CATSPERB: variants seen among roughly 807,000 people sequenced by gnomAD.
CATSPERB encodes the protein catsper channel auxiliary subunit beta, also known as cation channel sperm-associated auxiliary subunit beta.
In CATSPERB, 93 loss-of-function variants were observed where a neutral mutation model predicts 128.3. The ratio of observed to expected loss-of-function variants is 0.72; its 90% confidence interval spans 0.61 to 0.86. The LOEUF (loss-of-function observed/expected upper bound fraction) is 0.86, where lower values mean the gene tolerates loss of function less well. Among genes scored for constraint, CATSPERB ranks in the 40% least tolerant of loss-of-function variants. CATSPERB has a pLI of 0.00. For synonymous variants in CATSPERB, 381 were observed against 448.8 expected (o/e 0.85, Z 1.91); for missense variants, 1,153 against 1,329.5 (o/e 0.87, Z 2.06).
intron 20 of CATSPERB, among the ~76,000 whole-genome samples, chr14:91,613,079 G>T (rs1459333372): frequency 1.3e-5 from 2 of 152,008 alleles, no homozygotes; most frequent in Non-Finnish European, 2.9e-5. Context: ...ATATTAAAAA[G>T]TATTTTAAAA....
intron 22 of CATSPERB, among the ~76,000 whole-genome samples, chr14:91,599,442 C>T (rs2139767031): frequency 6.6e-6 from 1 of 151,162 alleles, no homozygotes; most frequent in Middle Eastern, 3.4e-3. Flanking sequence ...GCCTGTAGTC[C>T]CAGCTACTTG....
intron 22 of CATSPERB, among the ~76,000 whole-genome samples, chr14:91,604,208 GA>G (rs1212666020): frequency 6.6e-6 from 1 of 151,772 alleles, no homozygotes; most frequent in Non-Finnish European, 1.5e-5. Flanking sequence ...GATCCAACAG[GA>G]AAAAAGAAAG....
intron 22 of CATSPERB, 53 bp from the exon 23 acceptor site, chr14:91,592,055 T>G: frequency 9.5e-7 from 1 of 1,052,362 alleles, no homozygotes; most frequent in Admixed American, 1.7e-5. Flanking sequence ...GCGGGATTTC[T>G]GCAAACTGAT....
intron 26 of CATSPERB, among the ~76,000 whole-genome samples, chr14:91,582,301 T>A (rs1042484878): frequency 3.3e-5 from 5 of 152,238 alleles, no homozygotes; most frequent in Admixed American, 2.6e-4. Flanking sequence ...AAGCTTTCAC[T>A]CTGACATTCA....
chr14:91,621,771 G>T lies in CATSPERB; in HGVS notation c.2097C>A (p.Phe699Leu), dbSNP rs200447056. The T allele has an allele frequency of 5.8e-5, 93 of 1,613,974 alleles. No homozygotes were observed. The highest frequency in any genetic ancestry group is 1.4e-5 in the Non-Finnish European group (16 of 1,180,008). Residue 699 changes from phenylalanine to leucine, a missense_variant, in exon 19 of 27, where the codon TTC becomes TTA. Transcript: ENST00000256343. ...NNMTFLKSTW[F>L]LYNFGQRNGR... The stretch of plus-strand genomic sequence containing the variant: ...CATTCCTTTGCCCAAAGTTGTATAA[G>T]AACCATGTGCTCTTTAGAAAGGTCA...
intron 15 of CATSPERB, among the ~76,000 whole-genome samples, chr14:91,654,238 T>C (rs1390407045): frequency 6.6e-6 from 1 of 152,180 alleles, no homozygotes; most frequent in Non-Finnish European, 1.5e-5. Flanking sequence ...AAAGCACCTT[T>C]ATAAGAACCA....
At chr14:91,590,642 TTTTG>T (rs981585230) in intron 23 of CATSPERB, among the ~76,000 whole-genome samples, 19 of 148,014 alleles carry the variant, frequency 1.3e-4, no homozygotes, top group Non-Finnish European at 2.7e-4. Context: ...AGATGTCTTT[TTTTG>T]TTTGTTTGTT....
At chr14:91,605,139 G>T in intron 22 of CATSPERB, 1 of 1,312,164 alleles carries the variant, frequency 7.6e-7, no homozygotes. Context: ...TCCTAAATAA[G>T]CAGATCCACG....
At chr14:91,695,164 C>T (rs1416065554) in intron 7 of CATSPERB, among the ~76,000 whole-genome samples, 1 of 147,948 alleles carries the variant, frequency 6.8e-6, no homozygotes, top group African/African-American at 2.5e-5. Context: ...GAGTCTCACT[C>T]CGTCATCCAG....
intron 4 of CATSPERB, among the ~76,000 whole-genome samples, chr14:91,720,088 T>C (rs1280088306): frequency 1.3e-5 from 2 of 152,112 alleles, no homozygotes; most frequent in Non-Finnish European, 2.9e-5. Flanking sequence ...GCTGGAAACA[T>C]TCCAAATTTG....
chr14:91,637,220 A>G (rs1173847517), intron 16 of CATSPERB, among the ~76,000 whole-genome samples: 1 of 152,104 alleles, frequency 6.6e-6, no homozygotes, highest in Non-Finnish European at 1.5e-5. Context: ...GCTGGAGTTG[A>G]CTTTGTTGCT....
At chr14:91,708,598 C>A (rs1895776829) in intron 5 of CATSPERB, among the ~76,000 whole-genome samples, 1 of 151,900 alleles carries the variant, frequency 6.6e-6, no homozygotes, top group Non-Finnish European at 1.5e-5. Flanking sequence ...ACAAAAAAAG[C>A]TTTTAAGGTA....
chr14:91,639,114 A>G lies in CATSPERB; in HGVS notation c.1569T>C (p.Ser523=). 6.2e-7 allele frequency: 1 copy of G among 1,613,962 alleles called. No individual in the cohort carries two copies. Among genetic ancestry groups the G allele is most frequent in the Non-Finnish European group, 8.5e-7 (1 of 1,179,962 alleles). ...TACTGACCTGTCCAAAAAGATTTCT[A>G]GAATTTCCAAAGGCTGTGGGTGGTC... is the stretch of plus-strand genomic sequence containing the variant. ...ASGPPTAFGN[S]RNLFGQPPDM... Residue 523 remains serine (S), a synonymous_variant, in exon 16 of 27, where the codon TCT becomes TCC. Transcript: ENST00000256343.
At chr14:91,726,965 T>C (rs113445929) in intron 2 of CATSPERB, among the ~76,000 whole-genome samples, 1,708 of 152,224 alleles carry the variant, frequency 0.011, 34 homozygotes, top group African/African-American at 0.039. Context: ...TGACCTTAGC[T>C]TTTCTTCCTC....
chr14:91,685,602 A>G (rs1895360414), intron 10 of CATSPERB, among the ~76,000 whole-genome samples: 1 of 152,192 alleles, frequency 6.6e-6, no homozygotes, highest in African/African-American at 2.4e-5. Context: ...ATAGGGTGAT[A>G]ATGATAGGAA....
chr14:91,608,943 ATAGCCTACT>A (rs1893768047), intron 21 of CATSPERB, among the ~76,000 whole-genome samples: 1 of 152,354 alleles, frequency 6.6e-6, no homozygotes, highest in East Asian at 1.9e-4. Context: ...TTAACCATTA[ATAGCCTACT>A]GTTGACCAGA....
intron 22 of CATSPERB, among the ~76,000 whole-genome samples, chr14:91,601,116 C>A (rs1474374788): frequency 2.6e-5 from 4 of 152,100 alleles, no homozygotes; most frequent in South Asian, 2.1e-4. Context: ...TCATGTATTC[C>A]ATTTAGAATC....
At chr14:91,724,247 C>T (rs888104962) in intron 3 of CATSPERB, among the ~76,000 whole-genome samples, 3 of 152,114 alleles carry the variant, frequency 2.0e-5, no homozygotes, top group Non-Finnish European at 1.5e-5. Flanking sequence ...AGGTAACCTG[C>T]CCCAGGACAC....
At chr14:91,607,671 C>T (rs1315399991) in intron 22 of CATSPERB, among the ~76,000 whole-genome samples, 2 of 151,968 alleles carry the variant, frequency 1.3e-5, no homozygotes, top group Non-Finnish European at 2.9e-5. Context: ...AAAGAAACAC[C>T]AATTTTATGT....
Sources: allele counts gnomAD v4.1 joint callset (sites outside exome capture counted in the v4.1 genomes callset), GRCh38; gene constraint gnomAD v4.1.1; transcripts MANE v1.5; gene names NCBI Gene and HGNC (gene_info 2026-07-23, HGNC 2026-07-21).